The following RAB11FIP4 variants were observed in gnomAD, a reference collection of about 807,000 sequenced individuals.
RAB11FIP4 encodes RAB11 family interacting protein 4.
In RAB11FIP4, 23 loss-of-function variants were observed where a neutral mutation model predicts 74.3. The ratio of observed to expected loss-of-function variants is 0.31; its 90% CI spans 0.22 to 0.44. RAB11FIP4 has a LOEUF of 0.44. RAB11FIP4 is among the 20% of genes least tolerant of loss of function. The pLI is 1.00. For missense variants in RAB11FIP4, 630 were observed against 863.9 expected, an observed-to-expected ratio of 0.73 and a Z score of 3.39; for synonymous variants, 360 against 359.9, an observed-to-expected ratio of 1.00 and a Z score of 0.00.
chr17:31,500,472 C>T (rs557436625), intron 3 of RAB11FIP4, among the ~76,000 whole-genome samples: 1 of 152,216 alleles, frequency 6.6e-6, no homozygotes, highest in Non-Finnish European at 1.5e-5. Context: ...TTACTGAGCG[C>T]TGCTGGTCAC....
At chr17:31,393,335 G>A (rs1447701437) in intron 1 of RAB11FIP4, among the ~76,000 whole-genome samples, 1 of 152,184 alleles carries the variant, frequency 6.6e-6, no homozygotes, top group Non-Finnish European at 1.5e-5. Context: ...GCTCCCATCT[G>A]GGGCAGGCTG....
rs2072850727 is a variant in RAB11FIP4 at position 31,530,477 on chromosome 17, C to T, written c.1797+8C>T. 6.2e-7 allele frequency: 1 copy of T among 1,608,676 alleles called. No homozygotes were observed. Among genetic ancestry groups the T allele is most frequent in the Non-Finnish European group, 8.5e-7 (1 of 1,175,934 alleles). On this transcript the variant is annotated splice_region_variant and intron_variant, in intron 14 of 14. Coordinates refer to ENST00000621161, the MANE Select transcript of RAB11FIP4 (RefSeq NM_032932.6). ...ACCGCCTCGCGCGATGAGGTAACCA[C>T]ACCACCGGCTCTTGCTTTGGGGCCT...
intron 3 of RAB11FIP4, among the ~76,000 whole-genome samples, chr17:31,487,814 G>A (rs2071924768): frequency 6.6e-6 from 1 of 151,978 alleles, no homozygotes; most frequent in Non-Finnish European, 1.5e-5. Context: ...TGAGCTGGGC[G>A]CGCCCAGGCG....
At chr17:31,431,246 C>T (rs1478144579) in intron 1 of RAB11FIP4, among the ~76,000 whole-genome samples, 1 of 152,188 alleles carries the variant, frequency 6.6e-6, no homozygotes, top group African/African-American at 2.4e-5. Context: ...TCCTGTTACA[C>T]GGGAGAGAAA....
In RAB11FIP4 at chr17:31,528,739, C is replaced by T. The variant is rs760338535; in HGVS notation, c.1614C>T (p.Arg538=). The stretch of plus-strand genomic sequence containing the variant: ...TAGGCGAGTTCAATGCCAGGGCCCG[C>T]GAGGTGGAGCTCGAGCACGAGGTCA... ...SGLGEFNARA[R]EVELEHEVKR... Residue 538 remains arginine (R), a synonymous_variant, in exon 13 of 15, where the codon CGC becomes CGT. Transcript: ENST00000621161. 12 of 1,611,176 alleles carry T rather than the reference C, an allele frequency of 7.4e-6. No individual in the cohort carries two copies. The highest frequency in any genetic ancestry group is 5.3e-5 in the African/African-American group (4 of 74,872).
At position 31,446,421 on chromosome 17, in the gene RAB11FIP4, C is replaced by T. The variant is rs1035533378; in HGVS notation, c.336+12299C>T. Among the ~76,000 whole-genome samples, 8 of 152,166 alleles carry T rather than the reference C, an allele frequency of 5.3e-5. No individual in the cohort carries two copies. The East Asian group carries it at 5.8e-4, about 11-fold the overall frequency. On this transcript the variant is annotated intron_variant, in intron 3 of 14. Transcript: ENST00000621161. ...ATCTCTCAAATTGTGGGGAGGCAGC[C>T]GGCCTTGGTACTTTCTGGCTCCAGG...
chr17:31,505,605 AATAATTATATATAATAT>A (rs1367481886), intron 3 of RAB11FIP4, among the ~76,000 whole-genome samples: 36 of 51,800 alleles, frequency 6.9e-4, no homozygotes, highest in South Asian at 6.8e-3. Flanking sequence ...ATTATATAAT[AATAATTATATATAATAT>A]ATAATTATAT....
chr17:31,521,372 G>T lies in RAB11FIP4; in HGVS notation c.758+12G>T. On this transcript the variant is annotated intron_variant, in intron 5 of 14. Transcript: ENST00000621161. ...TCGGTGTCTTCCAGGTGGCCCCTTG[G>T]TCTGGGATGTCATTTGGGGTCAAAA... The T allele has an allele frequency of 1.3e-6, 2 of 1,581,594 alleles. No homozygotes were observed. Among genetic ancestry groups the T allele is most frequent in the South Asian group, 1.1e-5 (1 of 87,774 alleles).
At chr17:31,439,015 C>G (rs973251155) in intron 3 of RAB11FIP4, among the ~76,000 whole-genome samples, 5 of 152,196 alleles carry the variant, frequency 3.3e-5, no homozygotes, top group Non-Finnish European at 4.4e-5. Flanking sequence ...TGCCCCAGCC[C>G]AAAGGAGAAG....
rs1213152873 is a variant in RAB11FIP4, at chr17:31,531,961, C to A, written c.*229C>A. 3 of 495,406 alleles carry A rather than the reference C, an allele frequency of 6.1e-6. No individual in the cohort carries two copies. The Admixed American group carries it at 1.1e-4, about 18-fold the overall frequency. The allele number at this position is 495,406 out of a possible 1,614,324, so 30.7% of individuals were successfully genotyped here. ...GGTTAGCCGTGCATGCACTTTGTGGCCCCTTTGCAAGGGGCAGAGGGTACT... is the reference window on the plus strand; with the variant it reads ...GGTTAGCCGTGCATGCACTTTGTGGACCCTTTGCAAGGGGCAGAGGGTACT... On this transcript the variant is annotated 3_prime_UTR_variant, in exon 15 of 15. Coordinates refer to ENST00000621161, the MANE Select transcript of RAB11FIP4 (RefSeq NM_032932.6).
At chr17:31,445,559 TATATATATATATATATA>T (rs2071448884) in intron 3 of RAB11FIP4, among the ~76,000 whole-genome samples, 1 of 12,716 alleles carries the variant, frequency 7.9e-5, no homozygotes, top group Non-Finnish European at 1.6e-4. Context: ...TATATATATA[TATATATATATATATATA>T]TATTTTTTTT....
intron 3 of RAB11FIP4, among the ~76,000 whole-genome samples, chr17:31,516,658 C>T (rs774051179): frequency 3.3e-5 from 5 of 152,148 alleles, no homozygotes; most frequent in African/African-American, 7.2e-5. Flanking sequence ...TTAGTAGAGA[C>T]GGGGTTTCAC....
Position 31,528,526 on chromosome 17 carries a change from C to T in RAB11FIP4, c.1477C>T (p.Arg493Trp), listed in dbSNP as rs138356185. Residue 493 changes from arginine (R) to tryptophan (W), a missense_variant, in exon 12 of 15, where the codon CGG becomes TGG. Arg to Trp is a moderately radical substitution (Grantham distance 101, BLOSUM62 -3). Coordinates refer to ENST00000621161, the MANE Select transcript of RAB11FIP4 (RefSeq NM_032932.6). ...GAACCGCCTTGAGTTCCAGAAGGAG[C>T]GGGAGGCGACGCAGGAGGTAGGTCC... ...RQNRLEFQKEREATQELIEDL... is the reference protein window; with the variant it reads ...RQNRLEFQKEWEATQELIEDL... 8.7e-6 allele frequency: 14 copies of T among 1,613,660 alleles called. No individual in the cohort carries two copies. The highest frequency in any genetic ancestry group is 2.2e-5 in the East Asian group (1 of 44,896).
Position 31,512,541 on chromosome 17 carries a change from G to A in RAB11FIP4, c.337-5110G>A, listed in dbSNP as rs1053929352. Among the ~76,000 whole-genome samples the A allele has an allele frequency of 2.2e-4, 33 of 152,190 alleles. No individual in the cohort carries two copies. Among genetic ancestry groups the A allele is most frequent in the Admixed American group, 5.2e-4 (8 of 15,286 alleles). On this transcript the variant is annotated intron_variant, in intron 3 of 14. Coordinates refer to ENST00000621161, the MANE Select transcript of RAB11FIP4 (RefSeq NM_032932.6). The surrounding 1 kb of genome is among the most constrained non-coding windows in gnomAD (Gnocchi z 4.1). ...TGGCAGGTGGAAGAAAGCCTGGGGT[G>A]GTGTGGCCATGTACCAGCCAAGCCT...
In RAB11FIP4 at chr17:31,521,326, G is replaced by A. The variant is rs764295875; in HGVS notation, c.724G>A (p.Val242Ile). 4.3e-6 allele frequency: 7 copies of A among 1,613,376 alleles called. No homozygotes were observed. Among genetic ancestry groups the A allele is most frequent in the South Asian group, 1.1e-5 (1 of 91,010 alleles). The change falls in exon 5 of 15, where the codon GTC becomes ATC. Residue 242 changes from valine to isoleucine, a missense_variant. Transcript: ENST00000621161. The stretch of plus-strand genomic sequence containing the variant: ...CCCCGATGATGAGACCAGGACCAAC[G>A]TCTACTCGGACCTGGGGTCTTCGGT... ...PCPDDETRTN[V>I]YSDLGSSVSS...
intron 1 of RAB11FIP4, among the ~76,000 whole-genome samples, chr17:31,413,408 C>T (rs902369483): frequency 2.0e-5 from 3 of 152,110 alleles, no homozygotes; most frequent in Non-Finnish European, 2.9e-5. Context: ...ACGGAGGGCA[C>T]GGAGGGAGCT....
chr17:31,480,862 C>T (rs1005048934), intron 3 of RAB11FIP4, among the ~76,000 whole-genome samples: 2 of 151,284 alleles, frequency 1.3e-5, no homozygotes, highest in Admixed American at 6.6e-5. Flanking sequence ...TATGCCCATA[C>T]CCTGCTTTGT....
intron 3 of RAB11FIP4, among the ~76,000 whole-genome samples, chr17:31,443,170 A>G (rs2071421618): frequency 6.6e-6 from 1 of 152,118 alleles, no homozygotes. Context: ...CTTAAAGTAC[A>G]TTTTTTGGTC....
chr17:31,409,434 A>C (rs1438041009), intron 1 of RAB11FIP4, among the ~76,000 whole-genome samples: 1 of 152,140 alleles, frequency 6.6e-6, no homozygotes, highest in Admixed American at 6.5e-5. Context: ...ATGAGTCTCC[A>C]CTTGGCCAGG....
Sources: allele counts gnomAD v4.1 joint callset (sites outside exome capture counted in the v4.1 genomes callset), GRCh38; gene constraint gnomAD v4.1.1; non-coding constraint Gnocchi (gnomAD v3.1); transcripts MANE v1.5; gene names NCBI Gene and HGNC (gene_info 2026-07-23, HGNC 2026-07-21).